Variants in SNX29 observed in about 807,000 individuals in gnomAD.
SNX29 encodes sorting nexin-29.
SNX29 carries 78 observed loss-of-function variants against 102.1 expected under a neutral mutation model. The ratio of observed to expected loss-of-function variants is 0.76; its 90% confidence interval spans 0.64 to 0.92. The LOEUF (loss-of-function observed/expected upper bound fraction) is 0.92. Ranked by LOEUF, SNX29 falls within the 40% of genes least tolerant of loss-of-function variation. The probability of loss-of-function intolerance (pLI) is 0.00; values close to 1 mark genes in which losing one functional copy is unlikely to be tolerated. For synonymous variants in SNX29, 580 were observed against 414.5 expected (o/e 1.40, Z -4.85); for missense variants, 1,280 against 1,061.7 (o/e 1.21, Z -2.86).
intron 18 of SNX29, among the ~76,000 whole-genome samples, chr16:12,422,722 T>C (rs1301045296): frequency 1.3e-5 from 2 of 151,378 alleles, no homozygotes; most frequent in East Asian, 3.8e-4. Context: ...AAACTACACT[T>C]TCACACACCT....
chr16:12,344,740 GCTGCCTGCC>G (rs1314046772), intron 15 of SNX29, among the ~76,000 whole-genome samples: 2 of 152,142 alleles, frequency 1.3e-5, no homozygotes, highest in Non-Finnish European at 2.9e-5. Flanking sequence ...CTCCTCCTGG[GCTGCCTGCC>G]CAGCAGGCTG....
chr16:12,207,839 C>G (rs1230085216), intron 14 of SNX29, among the ~76,000 whole-genome samples: 1 of 152,160 alleles, frequency 6.6e-6, no homozygotes, highest in Non-Finnish European at 1.5e-5. Context: ...ATGGGTTATT[C>G]TGTGGTCACG....
chr16:12,334,595 A>G (rs932588960), intron 15 of SNX29, among the ~76,000 whole-genome samples: 32 of 152,196 alleles, frequency 2.1e-4, no homozygotes, highest in African/African-American at 6.0e-4. Flanking sequence ...TGGGCTGCAT[A>G]TAGCCCATAG....
At position 12,535,480 on chromosome 16, in the gene SNX29, C is replaced by A. The variant is rs181627340; in HGVS notation, c.2318+10639C>A. Among the ~76,000 whole-genome samples, 6 of 152,272 alleles carry A rather than the reference C, an allele frequency of 3.9e-5. No individual in the cohort carries two copies. The East Asian group carries it at 7.7e-4, about 20-fold the overall frequency. ...CTTTCTTTGAGGTTAGTGTTACTGT[C>A]CCTTTTTTCCAGATGAGGAAACTGA... On this transcript the variant is annotated intron_variant, in intron 20 of 20. Coordinates refer to ENST00000566228, the MANE Select transcript of SNX29 (RefSeq NM_032167.5).
intron 7 of SNX29, among the ~76,000 whole-genome samples, chr16:12,050,774 C>T (rs1252120287): frequency 1.3e-5 from 2 of 152,080 alleles, no homozygotes; most frequent in African/African-American, 4.8e-5. Context: ...TGCAATGGCG[C>T]AATCTTGGCT....
intron 20 of SNX29, among the ~76,000 whole-genome samples, chr16:12,541,984 T>C (rs2077362907): frequency 6.6e-6 from 1 of 152,210 alleles, no homozygotes; most frequent in South Asian, 2.1e-4. Flanking sequence ...TGGCTTGTCT[T>C]ATGAGTCCAG....
At chr16:12,437,878 C>G (rs1423656383) in intron 18 of SNX29, among the ~76,000 whole-genome samples, 4 of 152,152 alleles carry the variant, frequency 2.6e-5, no homozygotes, top group Non-Finnish European at 5.9e-5. Flanking sequence ...AGGGCCACTG[C>G]CTGGCATCTT....
intron 14 of SNX29, among the ~76,000 whole-genome samples, chr16:12,202,675 C>A (rs188357943): frequency 2.0e-5 from 3 of 152,196 alleles, no homozygotes; most frequent in African/African-American, 7.2e-5. Flanking sequence ...AGTAGGAAAT[C>A]ACTTAAAAGA....
chr16:12,470,832 G>T (rs2087302509), intron 18 of SNX29, among the ~76,000 whole-genome samples: 1 of 152,216 alleles, frequency 6.6e-6, no homozygotes, highest in Admixed American at 6.5e-5. Context: ...GATGATGAAG[G>T]TGATAAGGGT....
intron 18 of SNX29, among the ~76,000 whole-genome samples, chr16:12,446,945 A>G (rs966219252): frequency 6.6e-6 from 1 of 152,000 alleles, no homozygotes; most frequent in Non-Finnish European, 1.5e-5. Context: ...TGGGCGGATC[A>G]TTTGAGGTCA....
At chr16:12,330,041 C>G (rs1432335417) in intron 15 of SNX29, among the ~76,000 whole-genome samples, 1 of 152,050 alleles carries the variant, frequency 6.6e-6, no homozygotes, top group Non-Finnish European at 1.5e-5. Flanking sequence ...TTTTCCCTGT[C>G]TGTGAAATGG....
intron 20 of SNX29, among the ~76,000 whole-genome samples, chr16:12,557,960 C>G (rs908902478): frequency 6.6e-6 from 1 of 152,024 alleles, no homozygotes; most frequent in Non-Finnish European, 1.5e-5. Context: ...CCCTGTCTTC[C>G]TGTGGGTCTT....
chr16:12,537,021 G>C (rs532557782), intron 20 of SNX29, among the ~76,000 whole-genome samples: 9 of 152,246 alleles, frequency 5.9e-5, no homozygotes, highest in African/African-American at 2.2e-4. Context: ...CATGGGGGCC[G>C]GGGGAGCACA....
chr16:12,449,740 G>C (rs1206862450), intron 18 of SNX29, among the ~76,000 whole-genome samples: 1 of 152,196 alleles, frequency 6.6e-6, no homozygotes, highest in African/African-American at 2.4e-5. Context: ...GTTTCCTGCT[G>C]ACCACTATCC....
chr16:12,451,443 G>T (rs976705862), intron 18 of SNX29, among the ~76,000 whole-genome samples: 1 of 152,246 alleles, frequency 6.6e-6, no homozygotes, highest in African/African-American at 2.4e-5. Context: ...TAATGATCCG[G>T]TGGCTGCCCA....
intron 14 of SNX29, among the ~76,000 whole-genome samples, chr16:12,206,700 C>G (rs1276037874): frequency 6.6e-6 from 1 of 152,014 alleles, no homozygotes; most frequent in Non-Finnish European, 1.5e-5. Context: ...ATCTCTTCAC[C>G]CCACAGAGCA....
At chr16:12,555,567 C>G (rs1025323203) in intron 20 of SNX29, among the ~76,000 whole-genome samples, 1 of 150,982 alleles carries the variant, frequency 6.6e-6, no homozygotes, top group African/African-American at 2.5e-5. Context: ...GCACCCTCAT[C>G]TCTCACCTCC....
intron 18 of SNX29, among the ~76,000 whole-genome samples, chr16:12,460,540 G>A (rs1362006040): frequency 3.3e-5 from 5 of 151,990 alleles, no homozygotes; most frequent in Non-Finnish European, 7.4e-5. Flanking sequence ...CCTCCTCCAG[G>A]AAACTGCATT....
At chr16:11,984,269 C>T (rs1376760889) in intron 1 of SNX29, among the ~76,000 whole-genome samples, 4 of 151,018 alleles carry the variant, frequency 2.6e-5, no homozygotes, top group African/African-American at 9.7e-5. Flanking sequence ...GCTGGGCTGA[C>T]GTGGGAGGAT....
Sources: gnomAD v4.1 joint callset for allele counts (sites outside exome capture counted in the v4.1 genomes callset) on GRCh38, gnomAD v4.1.1 for gene constraint, MANE v1.5 for transcripts, NCBI Gene and HGNC (gene_info 2026-07-23, HGNC 2026-07-21) for gene names.